The following ITK variants were observed in gnomAD, a reference collection of about 807,000 sequenced individuals.
ITK encodes tyrosine-protein kinase ITK/TSK.
In ITK, 45 loss-of-function variants were observed where a neutral mutation model predicts 87.6. The ratio of observed to expected loss-of-function variants is 0.51; its 90% CI spans 0.40 to 0.66. ITK has a LOEUF of 0.66. Ranked by LOEUF, ITK falls within the 30% of genes least tolerant of loss-of-function variation. The pLI is 0.00. For synonymous variants in ITK, 303 were observed against 273.6 expected, an observed-to-expected ratio of 1.11 and a Z score of -1.06; for missense variants, 605 against 766.3, an observed-to-expected ratio of 0.79 and a Z score of 2.48.
At chr5:157,208,801 T>A in intron 1 of ITK, 88 bp from the exon 2 acceptor site, 1 of 915,430 alleles carries the variant, frequency 1.1e-6, no homozygotes, top group Non-Finnish European at 1.8e-6. Flanking sequence ...AGCCAATGGA[T>A]CTTATCTAGC....
intron 15 of ITK, among the ~76,000 whole-genome samples, chr5:157,247,507 C>T (rs1375716943): frequency 6.6e-6 from 1 of 152,240 alleles, no homozygotes; most frequent in Non-Finnish European, 1.5e-5. Context: ...TTAGCACATT[C>T]ACCTTCTGAC....
chr5:157,248,803 T>C (rs1755073127), intron 15 of ITK, 47 bp from the exon 16 acceptor site: 1 of 1,612,402 alleles, frequency 6.2e-7, no homozygotes, highest in African/African-American at 1.3e-5. Flanking sequence ...TTGTTTGCTG[T>C]CTGTGGGCTT....
chr5:157,236,811 A>C (rs1754784691), intron 8 of ITK, among the ~76,000 whole-genome samples: 1 of 152,070 alleles, frequency 6.6e-6, no homozygotes, highest in Non-Finnish European at 1.5e-5. Flanking sequence ...AGGGTGGCGA[A>C]AGTTACATTC....
At chr5:157,214,695 G>T (rs948612527) in intron 4 of ITK, among the ~76,000 whole-genome samples, 3 of 152,030 alleles carry the variant, frequency 2.0e-5, no homozygotes, top group Non-Finnish European at 4.4e-5. Context: ...CATTTGAATG[G>T]CATGGTCTAT....
chr5:157,215,101 A>G (rs1194821409), intron 4 of ITK, among the ~76,000 whole-genome samples: 1 of 152,128 alleles, frequency 6.6e-6, no homozygotes, highest in African/African-American at 2.4e-5. Context: ...CCTCTCAACC[A>G]TCTGGGGTAC....
At chr5:157,226,251 G>A (rs1754529297) in intron 6 of ITK, among the ~76,000 whole-genome samples, 1 of 152,206 alleles carries the variant, frequency 6.6e-6, no homozygotes, top group African/African-American at 2.4e-5. Context: ...ACGTCACAGT[G>A]TTGAGAAAAT....
At chr5:157,201,138 C>T (rs1218592494) in intron 1 of ITK, among the ~76,000 whole-genome samples, 1 of 151,740 alleles carries the variant, frequency 6.6e-6, no homozygotes, top group Non-Finnish European at 1.5e-5. Flanking sequence ...AAATATTTGA[C>T]AAATCCAACA....
At chr5:157,243,337 A>G (rs1489587969) in intron 11 of ITK, among the ~76,000 whole-genome samples, 3 of 152,254 alleles carry the variant, frequency 2.0e-5, no homozygotes, top group African/African-American at 4.8e-5. Flanking sequence ...ACATAGAAAA[A>G]TGGGACATTG....
At chr5:157,204,111 A>T (rs1754031098) in intron 1 of ITK, among the ~76,000 whole-genome samples, 1 of 152,274 alleles carries the variant, frequency 6.6e-6, no homozygotes, top group Admixed American at 6.5e-5. Flanking sequence ...TATGGGCCCA[A>T]GTGATTCTCC....
At position 157,253,658 on chromosome 5, in the gene ITK, C is replaced by T. The variant is rs79112977; in HGVS notation, c.*980C>T. 859 of 226,718 alleles carry T rather than the reference C, an allele frequency of 3.8e-3. 2 individuals carry two copies. Among genetic ancestry groups the T allele is most frequent in the Non-Finnish European group, 6.0e-3 (687 of 113,930 alleles). The allele number at this position is 226,718 out of a possible 1,614,324, so 14.0% of individuals were successfully genotyped here. ...CTATCCGATCCTCATCAACAGAGGG[C>T]AGCATTGTGTTGGTCAATGTTCCCT... On this transcript the variant is annotated 3_prime_UTR_variant, in exon 17 of 17. Coordinates refer to ENST00000422843, the MANE Select transcript of ITK (RefSeq NM_005546.4).
At chr5:157,242,646 A>C (rs1372629154) in intron 11 of ITK, among the ~76,000 whole-genome samples, 1 of 151,942 alleles carries the variant, frequency 6.6e-6, no homozygotes, top group Non-Finnish European at 1.5e-5. Flanking sequence ...TTTTGTAGAG[A>C]CAGGGTCTCA....
At chr5:157,226,912 C>A (rs1266560526) in intron 6 of ITK, among the ~76,000 whole-genome samples, 1 of 152,138 alleles carries the variant, frequency 6.6e-6, no homozygotes, top group Non-Finnish European at 1.5e-5. Flanking sequence ...CCGCCACCAC[C>A]CAGGTTAGGT....
intron 1 of ITK, among the ~76,000 whole-genome samples, chr5:157,204,419 G>T (rs1052589681): frequency 6.6e-6 from 1 of 152,174 alleles, no homozygotes; most frequent in Non-Finnish European, 1.5e-5. Context: ...AAAAATTGGG[G>T]ACCAGCGCAG....
intron 16 of ITK, among the ~76,000 whole-genome samples, chr5:157,252,280 T>G (rs1397883762): frequency 2.0e-5 from 3 of 152,258 alleles, no homozygotes; most frequent in Non-Finnish European, 2.9e-5. Context: ...TTTTTATATG[T>G]GATTTATTGA....
intron 1 of ITK, among the ~76,000 whole-genome samples, chr5:157,203,129 C>T (rs547001237): frequency 8.0e-4 from 122 of 152,324 alleles, no homozygotes; most frequent in African/African-American, 2.7e-3. Flanking sequence ...GCCTTGGCCA[C>T]AGTTTGGTCA....
rs946074078 is a variant in ITK at position 157,196,509 on chromosome 5, C to T, written c.139-12380C>T. Among the ~76,000 whole-genome samples the T allele has an allele frequency of 2.0e-5, 3 of 152,098 alleles. No individual in the cohort carries two copies. The South Asian group carries it at 6.2e-4, about 31-fold the overall frequency. ...TAGTATTTTATTTAATTTGTAGGAGCTCTTTAACTACCAGCTAAACACTTT... is the reference window on the plus strand; with the variant it reads ...TAGTATTTTATTTAATTTGTAGGAGTTCTTTAACTACCAGCTAAACACTTT... On this transcript the variant is annotated intron_variant, in intron 1 of 16. Coordinates refer to ENST00000422843, the MANE Select transcript of ITK (RefSeq NM_005546.4).
chr5:157,206,040 A>G lies in ITK; in HGVS notation c.139-2849A>G, dbSNP rs115772928. 7.1e-3 allele frequency among the ~76,000 whole-genome samples: 948 copies of G among 133,610 alleles called. 6 individuals are homozygous for G. The highest frequency in any genetic ancestry group is 9.0e-3 in the Admixed American group (102 of 11,278). The allele number at this position is 133,610 out of a possible 152,430, so 87.7% of individuals were successfully genotyped here. A position where few individuals can be genotyped will look rare whatever the true frequency, so the allele number is the denominator to read the frequency against. On this transcript the variant is annotated intron_variant, in intron 1 of 16. Coordinates refer to ENST00000422843, the MANE Select transcript of ITK (RefSeq NM_005546.4). ...ACCTATGCTGGAGTGCAGTGTCATG[A>G]TCTTGGCTCACTGCAACTTCTGTCC...
chr5:157,232,361 C>T lies in ITK; in HGVS notation c.735C>T (p.Ser245=), dbSNP rs750169029. 15 of 1,611,178 alleles carry T rather than the reference C, an allele frequency of 9.3e-6. No homozygotes were observed. The highest frequency in any genetic ancestry group is 1.3e-5 in the Non-Finnish European group (15 of 1,177,856). ...ETYEWYNKSI[S]RDKAEKLLLD... ...TCAGGTGGTACAATAAGAGTATCAG[C>T]CGAGACAAAGCTGAAAAACTTCTTT... is the stretch of plus-strand genomic sequence containing the variant. Residue 245 remains serine, a synonymous_variant, in exon 8 of 17, where the codon AGC becomes AGT. Transcript: ENST00000422843.
At chr5:157,248,425 C>A (rs1244408750) in intron 15 of ITK, among the ~76,000 whole-genome samples, 1 of 152,042 alleles carries the variant, frequency 6.6e-6, no homozygotes, top group Non-Finnish European at 1.5e-5. Context: ...GAAAATGTGC[C>A]AATTCTGATC....
Sources: allele counts gnomAD v4.1 joint callset (sites outside exome capture counted in the v4.1 genomes callset), GRCh38; gene constraint gnomAD v4.1.1; transcripts MANE v1.5; gene names NCBI Gene and HGNC (gene_info 2026-07-23, HGNC 2026-07-21).